The following GABRB1 variants were observed in gnomAD, a reference collection of about 807,000 sequenced individuals.
GABRB1 encodes gamma-aminobutyric acid receptor subunit beta-1.
In GABRB1, 17 loss-of-function variants were observed where a neutral mutation model predicts 51.6. That is an observed-to-expected ratio of 0.33 (90% confidence interval 0.23 to 0.49). The LOEUF (loss-of-function observed/expected upper bound fraction) is 0.49, where lower values mean the gene tolerates loss of function less well. Among genes scored for constraint, GABRB1 ranks in the 20% least tolerant of loss-of-function variants. The probability of loss-of-function intolerance (pLI) is 0.99; values close to 1 mark genes in which losing one functional copy is unlikely to be tolerated. For missense variants in GABRB1, 410 were observed against 600.6 expected (o/e 0.68, Z 3.32); for synonymous variants, 247 against 218.9 (o/e 1.13, Z -1.14).
At chr4:47,184,898 G>A (rs1719108745) in intron 4 of GABRB1, among the ~76,000 whole-genome samples, 1 of 151,814 alleles carries the variant, frequency 6.6e-6, no homozygotes, top group Non-Finnish European at 1.5e-5. Context: ...AGGCAGAGTA[G>A]CTGCAAAACA....
At chr4:47,027,209 C>T (rs1348690159), upstream of GABRB1, among the ~76,000 whole-genome samples, 1 of 151,390 alleles carries the variant, frequency 6.6e-6, no homozygotes, top group African/African-American at 2.4e-5. Context: ...TAGAATTATA[C>T]CTGAAAGGAG....
chr4:47,187,487 A>T (rs1293452804), intron 4 of GABRB1, among the ~76,000 whole-genome samples: 1 of 151,850 alleles, frequency 6.6e-6, no homozygotes, highest in Non-Finnish European at 1.5e-5. Flanking sequence ...CTTTCTGACA[A>T]GGTGGTATAA....
At chr4:47,020,174 G>C (rs1434748198) in intron 1 of GABRB1, among the ~76,000 whole-genome samples, 1 of 151,966 alleles carries the variant, frequency 6.6e-6, no homozygotes, top group Non-Finnish European at 1.5e-5. Context: ...CTGTGCATGA[G>C]CATGTATGGT....
chr4:47,091,405 T>C (rs1323133636), intron 3 of GABRB1, among the ~76,000 whole-genome samples: 1 of 152,162 alleles, frequency 6.6e-6, no homozygotes, highest in Non-Finnish European at 1.5e-5. Context: ...TAATTATAAA[T>C]ATGTAAAATA....
chr4:47,037,194 C>CT (rs1725615994), intron 3 of GABRB1, among the ~76,000 whole-genome samples: 1 of 152,126 alleles, frequency 6.6e-6, no homozygotes, highest in Non-Finnish European at 1.5e-5. Flanking sequence ...ACACCTATGC[C>CT]TTTTTTCTTC....
chr4:47,003,311 G>A (rs1457609804), intron 1 of GABRB1, among the ~76,000 whole-genome samples: 1 of 152,170 alleles, frequency 6.6e-6, no homozygotes, highest in Non-Finnish European at 1.5e-5. Context: ...TCTACAGACT[G>A]TTGTAATTCT....
chr4:47,035,086 A>C (rs1430953313), intron 3 of GABRB1, among the ~76,000 whole-genome samples: 2 of 152,142 alleles, frequency 1.3e-5, no homozygotes, highest in Non-Finnish European at 2.9e-5. Flanking sequence ...GTTTTTATTT[A>C]TTACCATTAT....
At chr4:47,401,813 TATCTATCTAGCTATCTATCTATCTATC>T (rs769748369) in intron 5 of GABRB1, among the ~76,000 whole-genome samples, 7,093 of 74,354 alleles carry the variant, frequency 0.095, 203 homozygotes, top group African/African-American at 0.18. Context: ...TCTATCTATC[TATCTATCTAGCTATCTATCTATCTATC>T]ATCTATCTAT....
chr4:47,398,654 T>C (rs4495019), intron 5 of GABRB1, among the ~76,000 whole-genome samples: 19,929 of 152,024 alleles, frequency 0.13, 1,457 homozygotes, highest in Middle Eastern at 0.27. Flanking sequence ...GCGCCATCTC[T>C]GCTCACCGCA....
chr4:47,204,498 C>T (rs1560584221), intron 4 of GABRB1, among the ~76,000 whole-genome samples: 1 of 152,014 alleles, frequency 6.6e-6, no homozygotes, highest in Non-Finnish European at 1.5e-5. Flanking sequence ...CTAACCCTAA[C>T]ACTAACCCTA....
chr4:47,040,702 G>T (rs970637437), intron 3 of GABRB1, among the ~76,000 whole-genome samples: 1 of 152,154 alleles, frequency 6.6e-6, no homozygotes, highest in Admixed American at 6.5e-5. Flanking sequence ...TTCCAAGTCT[G>T]TTCACAAATA....
chr4:47,311,237 T>TACAACAACAACAACAACAACAACA (rs1382390835), intron 4 of GABRB1, among the ~76,000 whole-genome samples: 1 of 142,450 alleles, frequency 7.0e-6, no homozygotes, highest in Non-Finnish European at 1.5e-5. Flanking sequence ...CTACTAAAAA[T>TACAACAACAACAACAACAACAACA]ACAACAACAA....
Position 47,239,800 on chromosome 4 carries a change from T to C in GABRB1, c.461+78331T>C, listed in dbSNP as rs113365208. On this transcript the variant is annotated intron_variant, in intron 4 of 8. Transcript: ENST00000295454. Reference sequence around the variant, plus strand: ...CGATCTGCAGAGTGGATGGATGCAGTCGTGGGCTGGCAGCTTGGTTCCAGT... The same window carrying C: ...CGATCTGCAGAGTGGATGGATGCAGCCGTGGGCTGGCAGCTTGGTTCCAGT... Among the ~76,000 whole-genome samples, 6 of 152,298 alleles carry C rather than the reference T, an allele frequency of 3.9e-5. 1 individual carries two copies. The highest frequency in any genetic ancestry group is 1.4e-4 in the African/African-American group (6 of 41,572).
chr4:47,122,788 A>G (rs750383836), intron 3 of GABRB1, among the ~76,000 whole-genome samples: 2 of 152,214 alleles, frequency 1.3e-5, no homozygotes, highest in African/African-American at 4.8e-5. Context: ...CAGGAACCAC[A>G]GTGGGCAAGA....
intron 5 of GABRB1, among the ~76,000 whole-genome samples, chr4:47,390,291 G>C (rs146132704): frequency 3.8e-4 from 58 of 152,238 alleles, no homozygotes; most frequent in African/African-American, 1.3e-3. Flanking sequence ...TTTGAGATTG[G>C]GTTACAACTG....
At chr4:47,308,979 G>A (rs1330442566) in intron 4 of GABRB1, among the ~76,000 whole-genome samples, 4 of 152,032 alleles carry the variant, frequency 2.6e-5, no homozygotes, top group South Asian at 4.1e-4. Flanking sequence ...TAATCAAGAC[G>A]ATAAGAATAA....
At position 47,361,059 on chromosome 4, in the gene GABRB1, C is replaced by T. The variant is rs574088173; in HGVS notation, c.544+40850C>T. Among the ~76,000 whole-genome samples, 32 of 152,138 alleles carry T rather than the reference C, an allele frequency of 2.1e-4. No homozygotes were observed. The South Asian group carries it at 5.0e-3, about 24-fold the overall frequency. Reference sequence around the variant, plus strand: ...AAGATCAAACTGCTACTGGATACTGCGGCCAGAATTTAAACCTAGTTAATT... The same window carrying T: ...AAGATCAAACTGCTACTGGATACTGTGGCCAGAATTTAAACCTAGTTAATT... On this transcript the variant is annotated intron_variant, in intron 5 of 8. Transcript: ENST00000295454.
intron 2 of GABRB1, 119 bp from the exon 3 acceptor site, chr4:47,032,298 T>G (rs1240302427): frequency 1.1e-6 from 1 of 944,236 alleles, no homozygotes; most frequent in Non-Finnish European, 1.6e-6. Context: ...AAAGGGGTGG[T>G]GGGGGGAGCA....
chr4:47,129,291 A>T (rs1716304715), intron 3 of GABRB1, among the ~76,000 whole-genome samples: 1 of 152,194 alleles, frequency 6.6e-6, no homozygotes, highest in African/African-American at 2.4e-5. Context: ...CAGAGGCATG[A>T]TAGAAAATCA....
Sources: allele counts gnomAD v4.1 joint callset (sites outside exome capture counted in the v4.1 genomes callset), GRCh38; gene constraint gnomAD v4.1.1; transcripts MANE v1.5; gene names NCBI Gene and HGNC (gene_info 2026-07-23, HGNC 2026-07-21).